The following WWOX variants were observed in gnomAD, a reference collection of about 807,000 sequenced individuals.
The protein encoded by WWOX is WW domain-containing oxidoreductase.
A neutral mutation model predicts 46.2 loss-of-function variants in WWOX; 69 were observed. That is an observed-to-expected ratio of 1.49 (90% CI 1.23 to 1.82). The LOEUF (loss-of-function observed/expected upper bound fraction) is 1.82. Ranked by LOEUF, WWOX falls within the 40% of genes most tolerant of loss-of-function variation. The pLI, the probability that WWOX is intolerant of heterozygous loss-of-function variation, is 0.00. For synonymous variants in WWOX, 359 were observed against 202.6 expected (o/e 1.77, Z -6.56); for missense variants, 919 against 542.6 (o/e 1.69, Z -6.89).
intron 8 of WWOX, among the ~76,000 whole-genome samples, chr16:78,464,093 C>A (rs987953432): frequency 1.3e-5 from 2 of 152,110 alleles, no homozygotes; most frequent in African/African-American, 4.8e-5. Flanking sequence ...CGGTCAGGAC[C>A]TGGGAAGGGC....
At chr16:79,018,961 G>A (rs1214714102) in intron 8 of WWOX, among the ~76,000 whole-genome samples, 5 of 151,642 alleles carry the variant, frequency 3.3e-5, no homozygotes, top group African/African-American at 1.2e-4. Flanking sequence ...GACAAGCCTG[G>A]GCAACATGGC....
At position 78,309,001 on chromosome 16, in the gene WWOX, G is replaced by C. The variant is rs544414438; in HGVS notation, c.517-77859G>C. ...CAGAATGCTTGAATCCATGTGATAT[G>C]GTTTGGCTACATCCCCACCCAAAAT... On this transcript the variant is annotated intron_variant, in intron 5 of 8. Coordinates refer to ENST00000566780, the MANE Select transcript of WWOX (RefSeq NM_016373.4). 1.2e-4 allele frequency among the ~76,000 whole-genome samples: 18 copies of C among 152,160 alleles called. No homozygotes were observed. In the South Asian group the frequency reaches 3.1e-3, roughly 26 times the overall value.
chr16:78,350,738 G>A, intron 5 of WWOX, among the ~76,000 whole-genome samples: 1 of 120,492 alleles, frequency 8.3e-6, no homozygotes, highest in East Asian at 1.9e-4. Flanking sequence ...TTTGGCTATT[G>A]TGCATAATGC....
intron 8 of WWOX, among the ~76,000 whole-genome samples, chr16:78,973,589 G>C (rs1378081228): frequency 1.3e-5 from 2 of 151,754 alleles, no homozygotes; most frequent in African/African-American, 4.8e-5. Context: ...TTTTCTTTCT[G>C]TCTCAGTCTC....
At chr16:78,945,192 A>G (rs1162139428) in intron 8 of WWOX, among the ~76,000 whole-genome samples, 2 of 152,128 alleles carry the variant, frequency 1.3e-5, no homozygotes, top group East Asian at 3.9e-4. Context: ...AAAAAGAAAA[A>G]GAAAAAGAAA....
At chr16:78,394,151 G>A (rs1164696553) in intron 6 of WWOX, among the ~76,000 whole-genome samples, 1 of 152,024 alleles carries the variant, frequency 6.6e-6, no homozygotes, top group Non-Finnish European at 1.5e-5. Flanking sequence ...TCCCTAGCTC[G>A]GTTTTAAGAA....
At chr16:78,872,242 A>G (rs74032408) in intron 8 of WWOX, among the ~76,000 whole-genome samples, 1,556 of 152,330 alleles carry the variant, frequency 0.01, 29 homozygotes, top group African/African-American at 0.036. Flanking sequence ...TGAGATCTCT[A>G]TGAGAGCTCA....
At chr16:78,795,253 G>A (rs1023859641) in intron 8 of WWOX, among the ~76,000 whole-genome samples, 3 of 151,966 alleles carry the variant, frequency 2.0e-5, no homozygotes, top group Non-Finnish European at 4.4e-5. Context: ...CTACATGTAA[G>A]GAAAAAAAGG....
chr16:78,891,147 A>T (rs1386208052), intron 8 of WWOX: 1 of 152,144 alleles, frequency 6.6e-6, no homozygotes, highest in East Asian at 1.9e-4. Context: ...ATCTTCCTTT[A>T]GTTCTCTTTT....
intron 8 of WWOX, among the ~76,000 whole-genome samples, chr16:78,988,580 C>T (rs2046825834): frequency 6.6e-6 from 1 of 152,066 alleles, no homozygotes; most frequent in Non-Finnish European, 1.5e-5. Context: ...CATCCCCGCC[C>T]CTTCAACTCT....
At chr16:78,679,992 T>C (rs1370729848) in intron 8 of WWOX, among the ~76,000 whole-genome samples, 1 of 152,228 alleles carries the variant, frequency 6.6e-6, no homozygotes, top group African/African-American at 2.4e-5. Context: ...GCCCTACCAC[T>C]AACTGACTCC....
rs574432919 is a variant in WWOX, at chr16:79,044,292, T to A, written c.1057-167316T>A. Among the ~76,000 whole-genome samples the A allele has an allele frequency of 1.1e-4, 17 of 152,232 alleles. 1 individual carries two copies. The highest frequency in any genetic ancestry group is 4.1e-4 in the African/African-American group (17 of 41,542). ...GTTCCAGCTGGCGGTCTGATACAGC[T>A]TAGATGTTGTCCCTGCCCAAAGCTC... On this transcript the variant is annotated intron_variant, in intron 8 of 8. Transcript: ENST00000566780.
chr16:78,416,837 T>C (rs959007219), intron 6 of WWOX, among the ~76,000 whole-genome samples: 4 of 152,236 alleles, frequency 2.6e-5, no homozygotes, highest in African/African-American at 9.6e-5. Flanking sequence ...GGGCTTTACT[T>C]CTCACAACCA....
intron 8 of WWOX, among the ~76,000 whole-genome samples, chr16:78,666,165 T>G (rs2047328541): frequency 6.6e-6 from 1 of 152,058 alleles, no homozygotes; most frequent in African/African-American, 2.4e-5. Context: ...TGTGCCACAG[T>G]AGTCCCAGCT....
chr16:78,978,949 TC>T (rs2046626283), intron 8 of WWOX, among the ~76,000 whole-genome samples: 1 of 152,060 alleles, frequency 6.6e-6, no homozygotes, highest in African/African-American at 2.4e-5. Flanking sequence ...TTGATGTCCC[TC>T]CCCACTTTAC....
chr16:78,771,954 G>C (rs900404939), intron 8 of WWOX, among the ~76,000 whole-genome samples: 18 of 152,152 alleles, frequency 1.2e-4, no homozygotes, highest in Non-Finnish European at 2.9e-5. Flanking sequence ...GTACAAAAAT[G>C]ATACTTCCCT....
At chr16:79,189,547 T>C (rs565487121) in intron 8 of WWOX, among the ~76,000 whole-genome samples, 1 of 151,326 alleles carries the variant, frequency 6.6e-6, no homozygotes, top group South Asian at 2.1e-4. Context: ...GCGATCCTCC[T>C]ACCTTGGCCT....
chr16:78,772,217 C>T (rs2050081319), intron 8 of WWOX, among the ~76,000 whole-genome samples: 1 of 152,166 alleles, frequency 6.6e-6, no homozygotes, highest in Non-Finnish European at 1.5e-5. Flanking sequence ...AGGCAGGCCC[C>T]AGTGTCTGTT....
chr16:79,188,013 C>T (rs954598737), intron 8 of WWOX, among the ~76,000 whole-genome samples: 3 of 152,220 alleles, frequency 2.0e-5, no homozygotes, highest in East Asian at 1.9e-4. Context: ...AAGCTGTGCT[C>T]TTCAAACACA....
Sources: gnomAD v4.1 joint callset for allele counts (sites outside exome capture counted in the v4.1 genomes callset) on GRCh38, gnomAD v4.1.1 for gene constraint, MANE v1.5 for transcripts, NCBI Gene and HGNC (gene_info 2026-07-23, HGNC 2026-07-21) for gene names.